Variants in EFNA5 observed in about 807,000 individuals in gnomAD.
The protein encoded by EFNA5 is ephrin-A5.
A neutral mutation model predicts 22.9 loss-of-function variants in EFNA5; 5 were observed. The ratio of observed to expected loss-of-function variants is 0.22; its 90% confidence interval spans 0.11 to 0.46. The LOEUF (loss-of-function observed/expected upper bound fraction) is 0.46, where lower values mean the gene tolerates loss of function less well. EFNA5 is among the 20% of genes least tolerant of loss of function. The pLI, the probability that EFNA5 is intolerant of heterozygous loss-of-function variation, is 0.99. For synonymous variants in EFNA5, 113 were observed against 112.2 expected (o/e 1.01, Z -0.04); for missense variants, 237 against 293.3 (o/e 0.81, Z 1.40).
chr5:107,387,870 T>C (rs951382982), intron 2 of EFNA5, 99 bp from the exon 3 acceptor site: 1 of 867,476 alleles, frequency 1.2e-6, no homozygotes, highest in Non-Finnish European at 1.8e-6. Flanking sequence ...AATTCTTTCC[T>C]GACTTGAACA....
chr5:107,457,523 A>G (rs1041292417), intron 1 of EFNA5, among the ~76,000 whole-genome samples: 11 of 152,130 alleles, frequency 7.2e-5, no homozygotes, highest in African/African-American at 2.4e-4. Context: ...GTTATACTGT[A>G]TTGTTTAGAG....
intron 2 of EFNA5, among the ~76,000 whole-genome samples, chr5:107,410,061 C>T (rs917898816): frequency 7.1e-5 from 9 of 127,102 alleles, no homozygotes; most frequent in Non-Finnish European, 1.4e-4. Context: ...CGAAGTCTCA[C>T]TCTGTTGCCC....
chr5:107,506,038 A>G (rs892117377), intron 1 of EFNA5: 3 of 152,220 alleles, frequency 2.0e-5, no homozygotes, highest in Non-Finnish European at 2.9e-5. Flanking sequence ...CTAAAGCACA[A>G]CCACAGGGAG....
intron 1 of EFNA5, among the ~76,000 whole-genome samples, chr5:107,584,902 C>T (rs879125657): frequency 1.6e-4 from 25 of 152,152 alleles, no homozygotes; most frequent in African/African-American, 5.1e-4. Context: ...GCAGAAGTGG[C>T]GGTGATGGTG....
intron 1 of EFNA5, among the ~76,000 whole-genome samples, chr5:107,533,871 T>C (rs1013679900): frequency 6.6e-6 from 1 of 152,318 alleles, no homozygotes; most frequent in South Asian, 2.1e-4. Context: ...AGACCTGAAC[T>C]GCACAGTCAT....
intron 1 of EFNA5, among the ~76,000 whole-genome samples, chr5:107,621,255 G>C (rs1206046922): frequency 1.3e-5 from 2 of 152,164 alleles, no homozygotes; most frequent in African/African-American, 4.8e-5. Flanking sequence ...GAAGCACAAA[G>C]AAGCTACCAG....
At chr5:107,536,256 T>C (rs116392645) in intron 1 of EFNA5, among the ~76,000 whole-genome samples, 1 of 152,210 alleles carries the variant, frequency 6.6e-6, no homozygotes, top group Non-Finnish European at 1.5e-5. Flanking sequence ...ATAATCTGCT[T>C]GTTTCATACC....
intron 1 of EFNA5, among the ~76,000 whole-genome samples, chr5:107,600,973 G>A (rs1315524845): frequency 6.6e-6 from 1 of 152,128 alleles, no homozygotes; most frequent in Non-Finnish European, 1.5e-5. Flanking sequence ...CTAAAATAAT[G>A]AAAGCTGAGA....
intron 1 of EFNA5, among the ~76,000 whole-genome samples, chr5:107,540,128 C>G (rs558691945): frequency 2.0e-5 from 3 of 151,406 alleles, no homozygotes; most frequent in South Asian, 4.2e-4. Context: ...AGGCAAGGCT[C>G]TATCCTGGGG....
chr5:107,607,090 A>C (rs1749739345), intron 1 of EFNA5, among the ~76,000 whole-genome samples: 1 of 152,248 alleles, frequency 6.6e-6, no homozygotes, highest in African/African-American at 2.4e-5. Context: ...CTCTGCCATT[A>C]GCCTTGAGTT....
intron 1 of EFNA5, among the ~76,000 whole-genome samples, chr5:107,646,780 G>T (rs1174615660): frequency 6.6e-6 from 1 of 152,086 alleles, no homozygotes; most frequent in Non-Finnish European, 1.5e-5. Flanking sequence ...ACTGAAAGTG[G>T]TTCTTAATAT....
intron 1 of EFNA5, among the ~76,000 whole-genome samples, chr5:107,515,054 G>A (rs776566124): frequency 1.3e-5 from 2 of 152,162 alleles, no homozygotes; most frequent in Non-Finnish European, 2.9e-5. Context: ...TGCCAGCCAC[G>A]TGTACTGTCA....
chr5:107,518,297 A>C (rs1023148796), intron 1 of EFNA5, among the ~76,000 whole-genome samples: 1 of 152,088 alleles, frequency 6.6e-6, no homozygotes, highest in Non-Finnish European at 1.5e-5. Flanking sequence ...AAGTGAATAA[A>C]AAGCCATTGC....
intron 1 of EFNA5, among the ~76,000 whole-genome samples, chr5:107,554,772 T>C (rs889134106): frequency 6.6e-6 from 1 of 152,200 alleles, no homozygotes; most frequent in Non-Finnish European, 1.5e-5. Flanking sequence ...TTCTATACTT[T>C]GCAGATAGGA....
chr5:107,435,268 A>G (rs1749077794), intron 1 of EFNA5, among the ~76,000 whole-genome samples: 1 of 149,240 alleles, frequency 6.7e-6, no homozygotes, highest in Admixed American at 6.7e-5. Flanking sequence ...TCCTTTCAGC[A>G]CAGAATGCAA....
intron 1 of EFNA5, among the ~76,000 whole-genome samples, chr5:107,566,660 TAAAA>T (rs1209089035): frequency 6.6e-6 from 1 of 152,118 alleles, no homozygotes; most frequent in Admixed American, 6.5e-5. Flanking sequence ...ATCACACACT[TAAAA>T]AAAGACTCCT....
At chr5:107,445,708 G>A (rs968328625) in intron 1 of EFNA5, among the ~76,000 whole-genome samples, 13 of 152,282 alleles carry the variant, frequency 8.5e-5, no homozygotes, top group Non-Finnish European at 1.9e-4. Flanking sequence ...AGCACAAGAT[G>A]TCCACGAACA....
intron 2 of EFNA5, among the ~76,000 whole-genome samples, chr5:107,411,565 T>A (rs1748366694): frequency 6.6e-6 from 1 of 152,196 alleles, no homozygotes; most frequent in South Asian, 2.1e-4. Flanking sequence ...ATATTTAAGA[T>A]CCCCACCACT....
chr5:107,546,968 G>A (rs991390736), intron 1 of EFNA5, among the ~76,000 whole-genome samples: 8 of 152,130 alleles, frequency 5.3e-5, no homozygotes, highest in Admixed American at 3.9e-4. Flanking sequence ...AGCAAGCACA[G>A]GGCACTATAT....
Sources: allele counts gnomAD v4.1 joint callset (sites outside exome capture counted in the v4.1 genomes callset), GRCh38; gene constraint gnomAD v4.1.1; transcripts MANE v1.5; gene names NCBI Gene and HGNC (gene_info 2026-07-23, HGNC 2026-07-21).